The following PSMG2 variants were observed in gnomAD, a reference collection of about 807,000 sequenced individuals.
PSMG2 encodes CD40 ligand-activated specific transcript 3.
PSMG2 carries 21 observed loss-of-function variants against 31.5 expected under a neutral mutation model. That is an observed-to-expected ratio of 0.67 (90% CI 0.47 to 0.96). The LOEUF (loss-of-function observed/expected upper bound fraction) is 0.96, where lower values mean the gene tolerates loss of function less well. Ranked by LOEUF, PSMG2 falls within the 40% of genes least tolerant of loss-of-function variation. The probability of loss-of-function intolerance (pLI) is 0.00; values close to 1 mark genes in which losing one functional copy is unlikely to be tolerated. For missense variants in PSMG2, 318 were observed against 321.2 expected, an observed-to-expected ratio of 0.99 and a Z score of 0.08; for synonymous variants, 120 against 110.4, an observed-to-expected ratio of 1.09 and a Z score of -0.54.
At chr18:12,718,468 TA>T in intron 3 of PSMG2, 48 bp from the exon 4 acceptor site, 1 of 1,212,376 alleles carries the variant, frequency 8.2e-7, no homozygotes, top group Non-Finnish European at 1.2e-6. Flanking sequence ...TTGTATGCTC[TA>T]AGACTAACTT....
chr18:12,662,459 A>G, intron 1 of PSMG2, among the ~76,000 whole-genome samples: 1 of 152,216 alleles, frequency 6.6e-6, no homozygotes, highest in Non-Finnish European at 1.5e-5. Flanking sequence ...TACAATGTCC[A>G]TGTACACTCA....
chr18:12,680,042 T>C (rs1187967610), intron 1 of PSMG2, among the ~76,000 whole-genome samples: 1 of 136,280 alleles, frequency 7.3e-6, no homozygotes, highest in Non-Finnish European at 1.6e-5. Flanking sequence ...AGCAACAGAA[T>C]GAGACACTGC....
chr18:12,704,435 TAAA>T (rs1438567799), intron 1 of PSMG2, among the ~76,000 whole-genome samples: 1 of 151,774 alleles, frequency 6.6e-6, no homozygotes, highest in African/African-American at 2.4e-5. Flanking sequence ...AAAAAATAAA[TAAA>T]AATTAGCCAG....
rs1325099784 is a variant in PSMG2, at chr18:12,667,908, G to GA, written c.-37+9142dup. On this transcript the variant is annotated intron_variant, in intron 1 of 6. Transcript: ENST00000585331. ...AAGCAGTAAGGGAGAAACAAAGGGG[G>GA]AAAAAAACACGAGGGAAAAGTAAAA... Among the ~76,000 whole-genome samples, 15 of 144,290 alleles carry GA rather than the reference G, an allele frequency of 1.0e-4. 1 individual carries two copies. Among genetic ancestry groups the GA allele is most frequent in the African/African-American group, 3.1e-4 (12 of 38,908 alleles). The allele number at this position is 144,290 out of a possible 152,430, so 94.7% of individuals were successfully genotyped here.
intron 3 of PSMG2, among the ~76,000 whole-genome samples, chr18:12,713,049 C>T (rs996591711): frequency 1.3e-5 from 2 of 151,998 alleles, no homozygotes; most frequent in African/African-American, 2.4e-5. Context: ...TTTGTATTAC[C>T]TTTCAGCTGG....
At chr18:12,669,701 T>C (rs2038891161) in intron 1 of PSMG2, among the ~76,000 whole-genome samples, 1 of 152,152 alleles carries the variant, frequency 6.6e-6, no homozygotes, top group Non-Finnish European at 1.5e-5. Flanking sequence ...GTAAATTTAA[T>C]TCTTAAAAAG....
At chr18:12,702,782 G>C, upstream of PSMG2, 2 of 576,020 alleles carry the variant, frequency 3.5e-6, no homozygotes, top group Non-Finnish European at 6.0e-6. Context: ...AACAGGGCTT[G>C]GGGCTGGCCC....
rs1297926880 is a variant in PSMG2 at position 12,725,448 on chromosome 18, C to T, written c.712C>T (p.Pro238Ser). Residue 238 changes from proline to serine, a missense_variant, in exon 7 of 7, where the codon CCC (proline) becomes TCC (serine). Physicochemically the swap from Pro to Ser is moderately conservative, Grantham distance 74 (BLOSUM62 -1). Transcript: ENST00000317615. ...TGTTCTTCAATTACAGAGCGATGAC[C>T]CCACAGTATCTGCCTCACGGTGGAA... The part of the protein sequence containing the change: ...LQILKPLSDD[P>S]TVSASRWKIP... 6.3e-7 allele frequency: 1 copy of T among 1,590,390 alleles called. No individual in the cohort carries two copies. The highest frequency in any genetic ancestry group is 8.6e-7 in the Non-Finnish European group (1 of 1,159,536).
chr18:12,721,945 G>A (rs2040434669), intron 5 of PSMG2, among the ~76,000 whole-genome samples: 1 of 152,080 alleles, frequency 6.6e-6, no homozygotes, highest in African/African-American at 2.4e-5. Flanking sequence ...ACTCATCTCA[G>A]TATTTTCTCA....
chr18:12,675,047 A>C (rs529800619), intron 1 of PSMG2, among the ~76,000 whole-genome samples: 2 of 152,200 alleles, frequency 1.3e-5, no homozygotes, highest in East Asian at 3.9e-4. Flanking sequence ...TATATGAAAT[A>C]GTCCTAATAT....
At position 12,706,632 on chromosome 18, in the gene PSMG2, T is replaced by C. The variant is rs766702437; in HGVS notation, c.140T>C (p.Phe47Ser). 6.2e-7 allele frequency: 1 copy of C among 1,614,148 alleles called. No homozygotes were observed. The highest frequency in any genetic ancestry group is 1.1e-5 in the South Asian group (1 of 91,070). The change falls in exon 2 of 7, where the codon TTC becomes TCC. Residue 47 changes from phenylalanine (F) to serine (S), a missense_variant. Physicochemically the swap from Phe to Ser is radical, Grantham distance 155. Coordinates refer to ENST00000317615, the MANE Select transcript of PSMG2 (RefSeq NM_020232.5). Reference sequence around the variant, plus strand: ...CTGAATATGTCTAAGATTGGTTACTTCTATACCGATTGTCTTGTGCCAATG... The same window carrying C: ...CTGAATATGTCTAAGATTGGTTACTCCTATACCGATTGTCTTGTGCCAATG... ...STLNMSKIGY[F>S]YTDCLVPMVG... is the part of the protein sequence containing the mutation.
upstream of PSMG2, chr18:12,702,872 C>T (rs2040206706): frequency 7.0e-6 from 4 of 574,978 alleles, no homozygotes; most frequent in African/African-American, 4.0e-5. Context: ...CACCCCATCG[C>T]CTTGCTTGCC....
upstream of PSMG2, chr18:12,698,983 G>A: frequency 1.2e-6 from 2 of 1,601,092 alleles, no homozygotes; most frequent in East Asian, 2.2e-5. Context: ...TCTTACCCAA[G>A]CTTTCTCTGT....
At chr18:12,669,515 T>C (rs1264371159) in intron 1 of PSMG2, among the ~76,000 whole-genome samples, 1 of 152,124 alleles carries the variant, frequency 6.6e-6, no homozygotes, top group Non-Finnish European at 1.5e-5. Context: ...AAATGAAGTT[T>C]CTGGTTTCTG....
chr18:12,718,282 C>T (rs767620815), intron 3 of PSMG2, among the ~76,000 whole-genome samples: 4 of 152,148 alleles, frequency 2.6e-5, no homozygotes, highest in South Asian at 2.1e-4. Context: ...GGACTACAGG[C>T]GTGAGCCACC....
chr18:12,689,764 T>TTATATA (rs146278847), intron 1 of PSMG2, among the ~76,000 whole-genome samples: 3 of 150,806 alleles, frequency 2.0e-5, no homozygotes, highest in Non-Finnish European at 4.4e-5. Flanking sequence ...GGGAGCCAGT[T>TTATATA]TATATATATA....
intron 1 of PSMG2, chr18:12,686,119 G>T: frequency 3.9e-6 from 2 of 513,608 alleles, no homozygotes; most frequent in South Asian, 4.1e-5. Flanking sequence ...ATCTGCAGTT[G>T]GTTGAATCTA....
At chr18:12,659,830 C>A (rs2038659051) in intron 1 of PSMG2, among the ~76,000 whole-genome samples, 1 of 151,850 alleles carries the variant, frequency 6.6e-6, no homozygotes. Context: ...GTGCCAAAGC[C>A]CAGAGAGGCA....
chr18:12,691,329 C>G, intron 1 of PSMG2: 3 of 1,418,656 alleles, frequency 2.1e-6, no homozygotes, highest in Non-Finnish European at 2.9e-6. Flanking sequence ...CAAATACAGG[C>G]ATAAAATTAT....
Sources: allele counts gnomAD v4.1 joint callset (sites outside exome capture counted in the v4.1 genomes callset), GRCh38; gene constraint gnomAD v4.1.1; transcripts MANE v1.5; gene names NCBI Gene and HGNC (gene_info 2026-07-23, HGNC 2026-07-21).